NEDD4L: variants seen among roughly 807,000 people sequenced by gnomAD.
The protein encoded by NEDD4L is NEDD4 like E3 ubiquitin protein ligase, also known as E3 ubiquitin-protein ligase NEDD4-like.
NEDD4L carries 54 observed loss-of-function variants against 148.9 expected under a neutral mutation model. The observed-to-expected ratio is 0.36, with a 90% CI of 0.29 to 0.45. The LOEUF (loss-of-function observed/expected upper bound fraction) is 0.45, where lower values mean the gene tolerates loss of function less well. Ranked by LOEUF, NEDD4L falls within the 20% of genes least tolerant of loss-of-function variation. NEDD4L has a pLI of 1.00. For missense variants in NEDD4L, 856 were observed against 1,233.8 expected (o/e 0.69, Z 4.59); for synonymous variants, 433 against 440.7 (o/e 0.98, Z 0.22).
At chr18:58,086,822 A>C (rs1348633391) in intron 1 of NEDD4L, among the ~76,000 whole-genome samples, 1 of 152,268 alleles carries the variant, frequency 6.6e-6, no homozygotes, top group Non-Finnish European at 1.5e-5. Context: ...GAAAACAATA[A>C]GCATTCATTG....
chr18:58,179,034 A>T (rs948666887), intron 2 of NEDD4L, among the ~76,000 whole-genome samples: 15 of 152,184 alleles, frequency 9.9e-5, no homozygotes, highest in South Asian at 2.1e-4. Flanking sequence ...ATATTAAAAC[A>T]CTCTCTCTGA....
chr18:58,236,693 T>C (rs1217410694), intron 2 of NEDD4L, among the ~76,000 whole-genome samples: 1 of 152,192 alleles, frequency 6.6e-6, no homozygotes, highest in Non-Finnish European at 1.5e-5. Context: ...TTATGACCAT[T>C]GCTCATAGTT....
intron 1 of NEDD4L, among the ~76,000 whole-genome samples, chr18:58,150,450 T>G (rs1016949633): frequency 1.3e-5 from 2 of 152,220 alleles, no homozygotes; most frequent in African/African-American, 4.8e-5. Context: ...GGTCTCGAGC[T>G]CCCGACCTCA....
intron 5 of NEDD4L, among the ~76,000 whole-genome samples, chr18:58,297,385 A>G (rs952625172): frequency 5.3e-5 from 8 of 152,228 alleles, no homozygotes; most frequent in African/African-American, 1.9e-4. Flanking sequence ...TATTGAGAAC[A>G]TACTACGTGT....
chr18:58,073,899 C>T lies in NEDD4L; in HGVS notation c.48+29191C>T, dbSNP rs117498932. Among the ~76,000 whole-genome samples the T allele has an allele frequency of 3.4e-3, 514 of 152,246 alleles. 1 individual carries two copies. Among genetic ancestry groups the T allele is most frequent in the Non-Finnish European group, 4.8e-3 (326 of 68,006 alleles). On this transcript the variant is annotated intron_variant, in intron 1 of 30. Coordinates refer to ENST00000400345, the MANE Select transcript of NEDD4L (RefSeq NM_001144967.3). ...TTTAAAAACAATATACAGTTAAGAG[C>T]GCATCCAGATACACCTAAGGTATTA...
At chr18:58,194,313 C>G (rs2040430886) in intron 2 of NEDD4L, among the ~76,000 whole-genome samples, 1 of 152,198 alleles carries the variant, frequency 6.6e-6, no homozygotes, top group Non-Finnish European at 1.5e-5. Flanking sequence ...TGCATCTCCC[C>G]CTCCCATGGA....
chr18:58,270,908 TATG>T (rs1222713160), intron 5 of NEDD4L, among the ~76,000 whole-genome samples: 1 of 152,072 alleles, frequency 6.6e-6, no homozygotes, highest in Non-Finnish European at 1.5e-5. Context: ...TAATAATGTA[TATG>T]ATCTGTCTTT....
At chr18:58,278,899 T>G (rs1299914381) in intron 5 of NEDD4L, among the ~76,000 whole-genome samples, 2 of 152,158 alleles carry the variant, frequency 1.3e-5, no homozygotes, top group Non-Finnish European at 2.9e-5. Flanking sequence ...TGGGATAGAG[T>G]CTCACTCTGT....
intron 1 of NEDD4L, among the ~76,000 whole-genome samples, chr18:58,155,724 G>C (rs1003359774): frequency 6.6e-6 from 1 of 152,198 alleles, no homozygotes; most frequent in African/African-American, 2.4e-5. Context: ...AGATAAATTA[G>C]GGTGAGCATC....
intron 24 of NEDD4L, among the ~76,000 whole-genome samples, chr18:58,377,816 T>C (rs766566951): frequency 6.6e-6 from 1 of 152,206 alleles, no homozygotes; most frequent in Non-Finnish European, 1.5e-5. Context: ...GAATATCGGC[T>C]CACTGCAACC....
At position 58,272,877 on chromosome 18, in the gene NEDD4L, G is replaced by C. The variant is rs116048921; in HGVS notation, c.297+20823G>C. Among the ~76,000 whole-genome samples, 1,109 of 152,286 alleles carry C rather than the reference G, an allele frequency of 7.3e-3. 16 individuals carry two copies. Among genetic ancestry groups the C allele is most frequent in the African/African-American group, 0.026 (1,061 of 41,542 alleles). Reference sequence around the variant, plus strand: ...AGACCATGGCTCTTTTTCATGAATGGTAGAGACACTCATAAGTCAAATACC... The same window carrying C: ...AGACCATGGCTCTTTTTCATGAATGCTAGAGACACTCATAAGTCAAATACC... On this transcript the variant is annotated intron_variant, in intron 5 of 30. Transcript: ENST00000400345.
rs1217454853 is a variant in NEDD4L at position 58,366,982 on chromosome 18, C to T, written c.2063+754C>T. On this transcript the variant is annotated intron_variant, in intron 21 of 30. Transcript: ENST00000400345. The surrounding 1 kb of genome is among the most constrained non-coding windows in gnomAD (Gnocchi z 4.2). The stretch of plus-strand genomic sequence containing the variant: ...CCTCAGTACATTCTTCCTGGTTGCT[C>T]TAGCCAAGAATTGCCCAATTGATTT... The T allele has an allele frequency of 6.6e-6, 1 of 152,286 alleles. No individual in the cohort carries two copies. Among genetic ancestry groups the T allele is most frequent in the African/African-American group, 2.4e-5 (1 of 41,460 alleles). 9.4% of individuals were successfully genotyped at this position (152,286 alleles called of 1,614,324 possible). A position where few individuals can be genotyped will look rare whatever the true frequency, so the allele number is the denominator to read the frequency against.
At chr18:58,077,157 C>T (rs1183336181) in intron 1 of NEDD4L, among the ~76,000 whole-genome samples, 1 of 124,068 alleles carries the variant, frequency 8.1e-6, no homozygotes, top group African/African-American at 3.0e-5. Flanking sequence ...AGCCTCATAA[C>T]GGCTTTTTTT....
intron 1 of NEDD4L, among the ~76,000 whole-genome samples, chr18:58,118,252 C>A (rs533202326): frequency 7.4e-4 from 113 of 152,334 alleles, no homozygotes; most frequent in Middle Eastern, 6.8e-3. Context: ...CGTATCCTGC[C>A]GGATTCTGGT....
intron 24 of NEDD4L, among the ~76,000 whole-genome samples, chr18:58,375,672 A>G (rs2047474408): frequency 6.6e-6 from 1 of 152,072 alleles, no homozygotes; most frequent in Non-Finnish European, 1.5e-5. Context: ...TCCTCGAGGT[A>G]TTGACTGACG....
chr18:58,316,141 G>A, intron 6 of NEDD4L, 109 bp downstream of exon 6: 1 of 885,298 alleles, frequency 1.1e-6, no homozygotes, highest in Non-Finnish European at 1.8e-6. Context: ...GAAGAAGGCT[G>A]AAATGAAGCA....
intron 5 of NEDD4L, among the ~76,000 whole-genome samples, chr18:58,301,369 G>A (rs1289962788): frequency 6.6e-6 from 1 of 152,174 alleles, no homozygotes; most frequent in Non-Finnish European, 1.5e-5. Flanking sequence ...TGAAAGTTAT[G>A]TGGGAATCAT....
At chr18:58,389,266 T>A in intron 28 of NEDD4L, 74 bp downstream of exon 28, 1 of 1,112,228 alleles carries the variant, frequency 9.0e-7, no homozygotes, top group Non-Finnish European at 1.3e-6. Flanking sequence ...CGCCCTCCAT[T>A]GTGGTCTGAC....
intron 1 of NEDD4L, among the ~76,000 whole-genome samples, chr18:58,105,874 T>TCACCATAGTGGTGGGGGTCATCACTGG (rs1165190407): frequency 4.6e-5 from 7 of 152,354 alleles, no homozygotes; most frequent in African/African-American, 1.4e-4. Flanking sequence ...GGTCATAGTC[T>TCACCATAGTGGTGGGGGTCATCACTGG]GTGATGGTGA....
Sources: allele counts gnomAD v4.1 joint callset (sites outside exome capture counted in the v4.1 genomes callset), GRCh38; gene constraint gnomAD v4.1.1; non-coding constraint Gnocchi (gnomAD v3.1); transcripts MANE v1.5; gene names NCBI Gene and HGNC (gene_info 2026-07-23, HGNC 2026-07-21).